EXOC4: variants seen among roughly 807,000 people sequenced by gnomAD.
The protein encoded by EXOC4 is exocyst complex component 4, also known as SEC8-like 1.
EXOC4 carries 71 observed loss-of-function variants against 107.2 expected under a neutral mutation model. The ratio of observed to expected loss-of-function variants is 0.66; its 90% CI spans 0.55 to 0.81. EXOC4 has a LOEUF of 0.81. Ranked by LOEUF, EXOC4 falls within the 30% of genes least tolerant of loss-of-function variation. EXOC4 has a pLI of 0.00. For synonymous variants in EXOC4, 456 were observed against 441.2 expected (o/e 1.03, Z -0.42); for missense variants, 1,108 against 1,189.6 (o/e 0.93, Z 1.01).
intron 2 of EXOC4, among the ~76,000 whole-genome samples, chr7:133,277,725 C>G (rs751835204): frequency 6.6e-6 from 1 of 152,082 alleles, no homozygotes; most frequent in Non-Finnish European, 1.5e-5. Context: ...GGTCAGAGCT[C>G]TTTTCAAAAG....
At chr7:133,390,160 G>C (rs1359557230) in intron 7 of EXOC4, among the ~76,000 whole-genome samples, 3 of 152,154 alleles carry the variant, frequency 2.0e-5, no homozygotes, top group East Asian at 3.8e-4. Flanking sequence ...GGGATTCTCT[G>C]TCTGCCTGGG....
At chr7:134,003,374 G>A (rs146084078) in intron 15 of EXOC4, among the ~76,000 whole-genome samples, 141 of 152,264 alleles carry the variant, frequency 9.3e-4, no homozygotes, top group African/African-American at 3.3e-3. Flanking sequence ...TCTGGTGGTG[G>A]TTATATGATT....
At chr7:134,063,924 G>A (rs1796128054) in intron 17 of EXOC4, among the ~76,000 whole-genome samples, 1 of 152,168 alleles carries the variant, frequency 6.6e-6, no homozygotes. Flanking sequence ...ATGAGGGATT[G>A]AATGAGACAA....
intron 17 of EXOC4, among the ~76,000 whole-genome samples, chr7:134,011,802 A>G (rs920421095): frequency 5.6e-4 from 85 of 150,522 alleles, no homozygotes; most frequent in African/African-American, 1.9e-3. Context: ...AAAAAAAAAG[A>G]GTAGGCATGG....
At chr7:133,689,254 C>T (rs527467972) in intron 10 of EXOC4, among the ~76,000 whole-genome samples, 3 of 152,158 alleles carry the variant, frequency 2.0e-5, no homozygotes, top group African/African-American at 7.2e-5. Context: ...GAAAGCTGAG[C>T]AGTCTCATGG....
At chr7:133,619,984 CTGTGTGTG>C (rs34442997) in intron 9 of EXOC4, among the ~76,000 whole-genome samples, 31 of 149,566 alleles carry the variant, frequency 2.1e-4, no homozygotes, top group African/African-American at 6.4e-4. Context: ...TCCCTGTTTT[CTGTGTGTG>C]TGTGTGTGTG....
At chr7:133,883,655 G>C (rs1799015844) in intron 11 of EXOC4, among the ~76,000 whole-genome samples, 1 of 151,998 alleles carries the variant, frequency 6.6e-6, no homozygotes, top group Non-Finnish European at 1.5e-5. Context: ...TTAAGCTAGA[G>C]CTGCAATAAA....
chr7:133,514,005 A>G (rs1240185783), intron 9 of EXOC4, among the ~76,000 whole-genome samples: 1 of 152,096 alleles, frequency 6.6e-6, no homozygotes, highest in Non-Finnish European at 1.5e-5. Context: ...TTATTAATTT[A>G]TGTATGTAAT....
intron 7 of EXOC4, among the ~76,000 whole-genome samples, chr7:133,454,956 A>G (rs1372494773): frequency 6.6e-6 from 1 of 151,994 alleles, no homozygotes; most frequent in Admixed American, 6.6e-5. Flanking sequence ...AAAATTAGCC[A>G]TGTATCGTGG....
chr7:133,546,620 G>C (rs759860279), intron 9 of EXOC4, among the ~76,000 whole-genome samples: 2 of 152,064 alleles, frequency 1.3e-5, no homozygotes, highest in Non-Finnish European at 2.9e-5. Flanking sequence ...CCACAATTGA[G>C]ATATAAATTG....
chr7:134,085,358 A>T, the EXOC4 span, among the ~76,000 whole-genome samples: 4 of 152,094 alleles, frequency 2.6e-5, no homozygotes, highest in South Asian at 2.1e-4. Flanking sequence ...AACTTTTTTT[A>T]AACTCTGGAA....
intron 10 of EXOC4, among the ~76,000 whole-genome samples, chr7:133,761,115 C>T (rs1368694337): frequency 6.6e-6 from 1 of 152,208 alleles, no homozygotes; most frequent in Non-Finnish European, 1.5e-5. Flanking sequence ...ACTGGGGCTT[C>T]AGCCTTCCCT....
At chr7:133,321,313 G>A (rs1159845961) in intron 5 of EXOC4, among the ~76,000 whole-genome samples, 5 of 151,782 alleles carry the variant, frequency 3.3e-5, no homozygotes, top group African/African-American at 1.2e-4. Flanking sequence ...TGTGGTACAT[G>A]TGCAGAATGT....
At chr7:133,262,742 A>G (rs964423734) in intron 1 of EXOC4, among the ~76,000 whole-genome samples, 2 of 152,208 alleles carry the variant, frequency 1.3e-5, no homozygotes, top group Admixed American at 6.5e-5. Flanking sequence ...TGAAAGCACA[A>G]TAAAGTTTAG....
chr7:133,329,423 A>C, intron 5 of EXOC4, among the ~76,000 whole-genome samples: 1 of 152,034 alleles, frequency 6.6e-6, no homozygotes, highest in South Asian at 2.1e-4. Flanking sequence ...TACTTTTGTC[A>C]ACTCATTCAT....
chr7:133,343,437 T>G (rs1795711322), intron 5 of EXOC4, among the ~76,000 whole-genome samples: 1 of 152,062 alleles, frequency 6.6e-6, no homozygotes, highest in African/African-American at 2.4e-5. Flanking sequence ...CCACCACACC[T>G]GGCTAATTTT....
At chr7:133,918,946 CA>C (rs2116641943) in intron 13 of EXOC4, among the ~76,000 whole-genome samples, 1 of 152,330 alleles carries the variant, frequency 6.6e-6, no homozygotes, top group East Asian at 1.9e-4. Context: ...TTATCTCTCT[CA>C]AATTGTGCAA....
At chr7:133,499,235 T>C (rs1314633228) in intron 9 of EXOC4, among the ~76,000 whole-genome samples, 1 of 152,170 alleles carries the variant, frequency 6.6e-6, no homozygotes, top group African/African-American at 2.4e-5. Context: ...AAAATGTGTG[T>C]TTATCATTCA....
intron 7 of EXOC4, among the ~76,000 whole-genome samples, chr7:133,434,513 C>T (rs1402739806): frequency 6.6e-6 from 1 of 152,178 alleles, no homozygotes; most frequent in Non-Finnish European, 1.5e-5. Flanking sequence ...CAAAGCTCCC[C>T]TCCAAGTCAT....
Sources: allele counts gnomAD v4.1 joint callset (sites outside exome capture counted in the v4.1 genomes callset), GRCh38; gene constraint gnomAD v4.1.1; transcripts MANE v1.5; gene names NCBI Gene and HGNC (gene_info 2026-07-23, HGNC 2026-07-21).